Variants in GALNT1 observed in about 807,000 individuals in gnomAD.
GALNT1 encodes GalNAc transferase 1.
In GALNT1, 17 loss-of-function variants were observed where a neutral mutation model predicts 65.7. That is an observed-to-expected ratio of 0.26 (90% CI 0.18 to 0.39). The LOEUF (loss-of-function observed/expected upper bound fraction) is 0.39, where lower values mean the gene tolerates loss of function less well. Among genes scored for constraint, GALNT1 ranks in the 10% least tolerant of loss-of-function variants. The probability of loss-of-function intolerance (pLI) is 1.00; values close to 1 mark genes in which losing one functional copy is unlikely to be tolerated. For synonymous variants in GALNT1, 210 were observed against 219.7 expected (o/e 0.96, Z 0.39); for missense variants, 460 against 672.8 (o/e 0.68, Z 3.50).
chr18:35,679,779 G>A (rs2047761948), intron 4 of GALNT1, among the ~76,000 whole-genome samples: 1 of 152,080 alleles, frequency 6.6e-6, no homozygotes, highest in South Asian at 2.1e-4. Flanking sequence ...TTTTTCTTTG[G>A]CTCCATTGTT....
At chr18:35,619,238 G>A (rs1461449383) in intron 1 of GALNT1, among the ~76,000 whole-genome samples, 1 of 152,024 alleles carries the variant, frequency 6.6e-6, no homozygotes, top group Admixed American at 6.6e-5. Flanking sequence ...TATTATTAGG[G>A]CCAAAAATCT....
chr18:35,619,116 C>T (rs1166003953), intron 1 of GALNT1, among the ~76,000 whole-genome samples: 9 of 152,114 alleles, frequency 5.9e-5, no homozygotes, highest in African/African-American at 2.2e-4. Context: ...GTGTGTGGTA[C>T]CTGCGATAAA....
In GALNT1 at chr18:35,598,081, T is replaced by C. The variant is rs1027217022; in HGVS notation, c.-104+16219T>C. 2.9e-5 allele frequency among the ~76,000 whole-genome samples: 4 copies of C among 137,490 alleles called. No homozygotes were observed. The South Asian group carries it at 1.1e-3, about 36-fold the overall frequency. 90.2% of individuals were successfully genotyped at this position (137,490 alleles called of 152,430 possible). On this transcript the variant is annotated intron_variant, in intron 1 of 11. Transcript: ENST00000269195. ...CTTTTTCAACAGAGTCTTGCTCTGC[T>C]GCCCAGGGTGGAGTGCAGTGGCGCG...
chr18:35,685,804 C>T (rs1024022855), intron 5 of GALNT1, among the ~76,000 whole-genome samples: 4 of 152,180 alleles, frequency 2.6e-5, no homozygotes, highest in African/African-American at 9.7e-5. Flanking sequence ...CAGTGGCTCA[C>T]GCCTGTAATC....
Position 35,642,375 on chromosome 18 carries a change from T to C in GALNT1, c.-103-12185T>C, listed in dbSNP as rs570590432. 5.7e-4 allele frequency among the ~76,000 whole-genome samples: 87 copies of C among 152,328 alleles called. 1 individual carries two copies. Among genetic ancestry groups the C allele is most frequent in the African/African-American group, 1.4e-3 (57 of 41,584 alleles). ...AAAGCAAGTCAGGTTTTTCCACTTA[T>C]AAGCACTTCAGAAACAGTCAAGTAT... On this transcript the variant is annotated intron_variant, in intron 1 of 11. Transcript: ENST00000269195.
chr18:35,695,740 C>G (rs1240216193), intron 9 of GALNT1, among the ~76,000 whole-genome samples: 1 of 152,138 alleles, frequency 6.6e-6, no homozygotes, highest in Non-Finnish European at 1.5e-5. Flanking sequence ...TTTCTTGAGC[C>G]TTTCATTCTC....
chr18:35,681,712 A>G (rs889909859), intron 4 of GALNT1, among the ~76,000 whole-genome samples: 4 of 152,124 alleles, frequency 2.6e-5, no homozygotes, highest in African/African-American at 9.7e-5. Context: ...TTCTGGATAC[A>G]AAGTATTTTA....
chr18:35,642,884 A>G (rs1033517238), intron 1 of GALNT1, among the ~76,000 whole-genome samples: 1 of 152,056 alleles, frequency 6.6e-6, no homozygotes, highest in Non-Finnish European at 1.5e-5. Context: ...GGTCACTGTC[A>G]GGGTGCTCTG....
At chr18:35,581,578 G>GGC (rs1233234531), upstream of GALNT1, among the ~76,000 whole-genome samples, 3 of 88 alleles carry the variant, frequency 0.034, no homozygotes, top group Non-Finnish European at 0.059. Context: ...CCAAGTGAGC[G>GGC]GGCAGGCGGC....
intron 1 of GALNT1, among the ~76,000 whole-genome samples, chr18:35,587,860 A>G: frequency 6.6e-6 from 1 of 151,944 alleles, no homozygotes; most frequent in Admixed American, 6.6e-5. Context: ...TTTCCATTCA[A>G]TTCAATGTCT....
intron 1 of GALNT1, among the ~76,000 whole-genome samples, 192 bp downstream of exon 1, chr18:35,582,054 C>T (rs2046328594): frequency 6.6e-6 from 1 of 152,044 alleles, no homozygotes; most frequent in Admixed American, 6.5e-5. Flanking sequence ...CGCGGCGTCT[C>T]TGGTTGGCAG....
intron 1 of GALNT1, among the ~76,000 whole-genome samples, chr18:35,583,388 T>C (rs1337978647): frequency 2.6e-5 from 4 of 152,216 alleles, no homozygotes; most frequent in Non-Finnish European, 1.5e-5. Flanking sequence ...GCTGGTTTGT[T>C]TGGTGCCTCT....
At chr18:35,629,957 A>G (rs2046982487) in intron 1 of GALNT1, among the ~76,000 whole-genome samples, 1 of 152,224 alleles carries the variant, frequency 6.6e-6, no homozygotes, top group South Asian at 2.1e-4. Flanking sequence ...AAAGAGACAA[A>G]GAAGGCCATT....
chr18:35,581,582 AG>A (rs1393872443), upstream of GALNT1, among the ~76,000 whole-genome samples: 3 of 137,428 alleles, frequency 2.2e-5, no homozygotes, highest in African/African-American at 2.6e-5. Flanking sequence ...GTGAGCGGGC[AG>A]GCGGCGCGCA....
At chr18:35,633,588 A>C (rs1399427029) in intron 1 of GALNT1, among the ~76,000 whole-genome samples, 1 of 152,210 alleles carries the variant, frequency 6.6e-6, no homozygotes, top group African/African-American at 2.4e-5. Flanking sequence ...AGATACACCT[A>C]ATATAAGTGA....
chr18:35,619,750 C>G (rs1598785562), intron 1 of GALNT1, among the ~76,000 whole-genome samples: 1 of 152,226 alleles, frequency 6.6e-6, no homozygotes, highest in Non-Finnish European at 1.5e-5. Context: ...TCTTTATCCA[C>G]TCTGGTGGGC....
At chr18:35,661,587 C>T (rs141306805) in intron 2 of GALNT1, among the ~76,000 whole-genome samples, 1 of 152,016 alleles carries the variant, frequency 6.6e-6, no homozygotes, top group African/African-American at 2.4e-5. Context: ...AGTTTTGTGG[C>T]ATGGATACCT....
intron 11 of GALNT1, among the ~76,000 whole-genome samples, chr18:35,704,390 C>G (rs956380490): frequency 5.1e-4 from 77 of 151,716 alleles, no homozygotes; most frequent in African/African-American, 1.2e-3. Context: ...GCTCACACAA[C>G]CTCCACCTCC....
chr18:35,709,486 A>C, intron 11 of GALNT1, 138 bp from the exon 12 acceptor site: 2 of 745,626 alleles, frequency 2.7e-6, no homozygotes, highest in Non-Finnish European at 4.2e-6. Context: ...CCACCTACCT[A>C]CCTTTTCTCC....
Sources: gnomAD v4.1 joint callset for allele counts (sites outside exome capture counted in the v4.1 genomes callset) on GRCh38, gnomAD v4.1.1 for gene constraint, MANE v1.5 for transcripts, NCBI Gene and HGNC (gene_info 2026-07-23, HGNC 2026-07-21) for gene names.